ZFHX3: variants seen among roughly 807,000 people sequenced by gnomAD.
The protein encoded by ZFHX3 is zinc finger homeobox protein 3.
ZFHX3 carries 42 observed loss-of-function variants against 279.1 expected under a neutral mutation model. That is an observed-to-expected ratio of 0.15 (90% confidence interval 0.12 to 0.19). The LOEUF is 0.19. ZFHX3 is among the 10% of genes least tolerant of loss of function. The pLI is 1.00. For missense variants in ZFHX3, 4,981 were observed against 4,754.0 expected (o/e 1.05, Z -1.40); for synonymous variants, 2,293 against 1,957.8 (o/e 1.17, Z -4.52).
At chr16:73,273,621 G>C (rs750914459) in intron 4 of ZFHX3, among the ~76,000 whole-genome samples, 1 of 151,896 alleles carries the variant, frequency 6.6e-6, no homozygotes, top group East Asian at 1.9e-4. Context: ...AGATGTTTCC[G>C]CATCAGTTTT....
At chr16:73,257,939 G>A (rs957700456) in intron 4 of ZFHX3, among the ~76,000 whole-genome samples, 4 of 152,174 alleles carry the variant, frequency 2.6e-5, no homozygotes, top group African/African-American at 9.6e-5. Flanking sequence ...TTTTTTGGGT[G>A]TGTGGGCTGT....
intron 1 of ZFHX3, among the ~76,000 whole-genome samples, chr16:73,708,084 G>GT (rs992152045): frequency 6.6e-6 from 1 of 150,690 alleles, no homozygotes; most frequent in Non-Finnish European, 1.5e-5. Flanking sequence ...TGTGGTGGGG[G>GT]GGGGAAGTAT....
chr16:73,606,902 G>C (rs1401375668), intron 2 of ZFHX3, among the ~76,000 whole-genome samples: 1 of 152,072 alleles, frequency 6.6e-6, no homozygotes, highest in African/African-American at 2.4e-5. Context: ...TCCCTGCAAA[G>C]GATAAGAACT....
At chr16:73,250,689 A>G (rs972166363) in intron 5 of ZFHX3, among the ~76,000 whole-genome samples, 1 of 149,542 alleles carries the variant, frequency 6.7e-6, no homozygotes, top group Non-Finnish European at 1.5e-5. Flanking sequence ...GCCCGCCACC[A>G]CGTCTGGCTA....
chr16:73,809,812 G>A (rs1960379901), intron 1 of ZFHX3: 1 of 152,126 alleles, frequency 6.6e-6, no homozygotes, highest in South Asian at 2.1e-4. Context: ...ACCTAACCTA[G>A]TCTTGCCTAT....
intron 5 of ZFHX3, among the ~76,000 whole-genome samples, chr16:73,235,104 C>CT (rs1381481547): frequency 6.6e-6 from 1 of 152,240 alleles, no homozygotes; most frequent in Non-Finnish European, 1.5e-5. Context: ...GAGTCTCACT[C>CT]TATCAACCAG....
chr16:72,981,799 A>G (rs1023672366), intron 1 of ZFHX3, among the ~76,000 whole-genome samples: 5 of 151,942 alleles, frequency 3.3e-5, no homozygotes, highest in African/African-American at 1.2e-4. Flanking sequence ...GACCAAGGGC[A>G]CAGTCACACC....
chr16:73,579,749 G>T lies in ZFHX3; in HGVS notation c.-1547+100431C>A, dbSNP rs1373054170. Among the ~76,000 whole-genome samples, 4 of 149,044 alleles carry T rather than the reference G, an allele frequency of 2.7e-5. 1 individual carries two copies. The highest frequency in any genetic ancestry group is 1.9e-4 in the East Asian group (1 of 5,134). On this transcript the variant is annotated intron_variant, in intron 2 of 17. Coordinates refer to the ZFHX3 transcript ENST00000641206. The stretch of plus-strand genomic sequence containing the variant: ...GATCTCCTGACCTCGTGATCCACCC[G>T]CCCCAGCCTCCCAAAGTGTATAAAT...
At chr16:73,468,684 C>T (rs1312621610) in intron 2 of ZFHX3, among the ~76,000 whole-genome samples, 2 of 152,056 alleles carry the variant, frequency 1.3e-5, no homozygotes, top group African/African-American at 4.8e-5. Context: ...TTGCAGTGAG[C>T]CGAGATTGCA....
chr16:73,106,045 A>G (rs1966300364), intron 7 of ZFHX3, among the ~76,000 whole-genome samples: 1 of 150,094 alleles, frequency 6.7e-6, no homozygotes, highest in Non-Finnish European at 1.5e-5. Flanking sequence ...CACAGTTTCA[A>G]TGTTTCTCGG....
chr16:73,180,478 G>A (rs566567715), intron 5 of ZFHX3, among the ~76,000 whole-genome samples: 5 of 152,334 alleles, frequency 3.3e-5, no homozygotes, highest in African/African-American at 4.8e-5. Flanking sequence ...TATAGGAGAC[G>A]TGAGTGGGCA....
At chr16:73,748,621 C>T (rs991238352) in intron 1 of ZFHX3, among the ~76,000 whole-genome samples, 3 of 152,178 alleles carry the variant, frequency 2.0e-5, no homozygotes, top group African/African-American at 7.2e-5. Context: ...AAACCAATCA[C>T]TCCTACCTCC....
intron 7 of ZFHX3, among the ~76,000 whole-genome samples, chr16:73,113,754 C>T (rs1031654599): frequency 6.9e-5 from 10 of 144,292 alleles, no homozygotes; most frequent in African/African-American, 2.0e-4. Flanking sequence ...AAGGTTAAAA[C>T]AAATAGTTTT....
At chr16:72,947,057 G>A (rs1481178513) in intron 3 of ZFHX3, among the ~76,000 whole-genome samples, 2 of 152,180 alleles carry the variant, frequency 1.3e-5, no homozygotes, top group Non-Finnish European at 2.9e-5. Flanking sequence ...ATGTTAGGAC[G>A]TGGACATGTG....
intron 3 of ZFHX3, among the ~76,000 whole-genome samples, chr16:72,928,232 G>A (rs1233307671): frequency 6.7e-6 from 1 of 148,640 alleles, no homozygotes; most frequent in Non-Finnish European, 1.5e-5. Flanking sequence ...GAGGGGGAGC[G>A]AGAGAGGAAA....
chr16:73,810,145 G>C (rs1960388371), intron 1 of ZFHX3, among the ~76,000 whole-genome samples: 1 of 152,128 alleles, frequency 6.6e-6, no homozygotes, highest in Non-Finnish European at 1.5e-5. Context: ...TCTGGGCACA[G>C]CCACCCCGCC....
At chr16:73,585,191 G>A (rs941219672) in intron 2 of ZFHX3, among the ~76,000 whole-genome samples, 2 of 152,200 alleles carry the variant, frequency 1.3e-5, no homozygotes, top group African/African-American at 4.8e-5. Context: ...GCCGAGGTGG[G>A]CGGATCACGA....
At chr16:73,090,469 G>T (rs1225121483) in intron 8 of ZFHX3, among the ~76,000 whole-genome samples, 1 of 152,208 alleles carries the variant, frequency 6.6e-6, no homozygotes, top group Non-Finnish European at 1.5e-5. Flanking sequence ...AGTATTCTGA[G>T]CTCAGGGACC....
At chr16:73,371,739 C>A (rs1302776039) in intron 3 of ZFHX3, among the ~76,000 whole-genome samples, 1 of 152,168 alleles carries the variant, frequency 6.6e-6, no homozygotes, top group East Asian at 1.9e-4. Context: ...TCATGCTAAG[C>A]CCATTTTCCA....
Sources: gnomAD v4.1 joint callset for allele counts (sites outside exome capture counted in the v4.1 genomes callset) on GRCh38, gnomAD v4.1.1 for gene constraint, MANE v1.5 for transcripts, NCBI Gene and HGNC (gene_info 2026-07-23, HGNC 2026-07-21) for gene names.